The following PI4KB variants were observed in gnomAD, a reference collection of about 807,000 sequenced individuals.
PI4KB encodes the protein phosphatidylinositol 4-kinase beta.
PI4KB carries 23 observed loss-of-function variants against 81.4 expected under a neutral mutation model. The ratio of observed to expected loss-of-function variants is 0.28; its 90% CI spans 0.20 to 0.40. The LOEUF (loss-of-function observed/expected upper bound fraction) is 0.40, where lower values mean the gene tolerates loss of function less well. Ranked by LOEUF, PI4KB falls within the 10% of genes least tolerant of loss-of-function variation. PI4KB has a pLI of 1.00. For missense variants in PI4KB, 651 were observed against 1,036.6 expected, an observed-to-expected ratio of 0.63 and a Z score of 5.11; for synonymous variants, 381 against 406.8, an observed-to-expected ratio of 0.94 and a Z score of 0.76.
chr1:151,293,175 T>C, intron 11 of PI4KB, 142 bp from the exon 12 acceptor site: 2 of 1,480,628 alleles, frequency 1.4e-6, no homozygotes. Flanking sequence ...CAGTTCTGCT[T>C]GGGCAGAGAG....
intron 9 of PI4KB, among the ~76,000 whole-genome samples, chr1:151,296,215 C>A (rs959058016): frequency 6.6e-6 from 1 of 152,174 alleles, no homozygotes; most frequent in Non-Finnish European, 1.5e-5. Context: ...CCACTGCACT[C>A]CAGCCTGGAC....
At chr1:151,326,981 T>A (rs1649704922) in intron 1 of PI4KB, among the ~76,000 whole-genome samples, 1 of 151,806 alleles carries the variant, frequency 6.6e-6, no homozygotes, top group South Asian at 2.1e-4. Flanking sequence ...TGGAAAGGGT[T>A]CATGACTTAA....
intron 9 of PI4KB, among the ~76,000 whole-genome samples, chr1:151,295,014 G>C (rs1407957403): frequency 1.3e-5 from 2 of 152,182 alleles, no homozygotes; most frequent in African/African-American, 4.8e-5. Context: ...TCACTGGAAG[G>C]GAACAACAAC....
chr1:151,293,930 T>C (rs758013250), intron 11 of PI4KB, 88 bp downstream of exon 11: 7 of 1,474,494 alleles, frequency 4.7e-6, no homozygotes, highest in African/African-American at 2.8e-5. Context: ...CAACCGAGTC[T>C]CGTGGGATCA....
intron 1 of PI4KB, among the ~76,000 whole-genome samples, chr1:151,321,559 T>C (rs1557815549): frequency 6.6e-6 from 1 of 151,580 alleles, no homozygotes; most frequent in Non-Finnish European, 1.5e-5. Flanking sequence ...TTGCTTCATT[T>C]AGTTTTGAAT....
At chr1:151,313,053 CGGAA>C (rs113590962) in intron 2 of PI4KB, among the ~76,000 whole-genome samples, 6,020 of 150,150 alleles carry the variant, frequency 0.04, 290 homozygotes, top group African/African-American at 0.12. Context: ...GACGGGTGGG[CGGAA>C]GGAAGGAAGG....
At chr1:151,312,529 T>C (rs1052085965) in intron 2 of PI4KB, among the ~76,000 whole-genome samples, 14 of 152,236 alleles carry the variant, frequency 9.2e-5, no homozygotes, top group African/African-American at 3.4e-4. Context: ...TTACTTCACA[T>C]GTTCCTAGAG....
chr1:151,320,145 T>C (rs893690178), intron 1 of PI4KB, among the ~76,000 whole-genome samples: 1 of 152,220 alleles, frequency 6.6e-6, no homozygotes, highest in African/African-American at 2.4e-5. Context: ...GCCATTCTCC[T>C]GCCTCAGGCT....
intron 2 of PI4KB, among the ~76,000 whole-genome samples, chr1:151,314,703 A>G (rs1647642536): frequency 1.3e-5 from 2 of 152,232 alleles, no homozygotes; most frequent in Non-Finnish European, 2.9e-5. Flanking sequence ...CCTCAGTGAT[A>G]AGAAATAAAC....
chr1:151,303,398 T>C (rs1695472378), intron 6 of PI4KB, 143 bp downstream of exon 6: 1 of 689,420 alleles, frequency 1.5e-6, no homozygotes, highest in Admixed American at 2.1e-5. Context: ...GCCTCAAGTT[T>C]GGTGGCCCCA....
chr1:151,312,244 C>T (rs1182663847), intron 2 of PI4KB, among the ~76,000 whole-genome samples: 2 of 152,160 alleles, frequency 1.3e-5, no homozygotes, highest in African/African-American at 4.8e-5. Flanking sequence ...ACATGCTGCC[C>T]CTGAGCCTCT....
At chr1:151,308,548 CTCCTCTTTGGG>C (rs973595174) in intron 3 of PI4KB, among the ~76,000 whole-genome samples, 1 of 152,196 alleles carries the variant, frequency 6.6e-6, no homozygotes, top group African/African-American at 2.4e-5. Flanking sequence ...CTTTTAGTGA[CTCCTCTTTGGG>C]TCCTCTTCCC....
chr1:151,308,315 G>A (rs750210275), intron 3 of PI4KB, among the ~76,000 whole-genome samples: 5 of 152,242 alleles, frequency 3.3e-5, no homozygotes, highest in African/African-American at 4.8e-5. Flanking sequence ...GAGGGAAGAT[G>A]CTCGTCATTC....
chr1:151,293,377 C>T lies in PI4KB; in HGVS notation c.2270-344G>A, dbSNP rs1217452746. 12 of 1,319,382 alleles carry T rather than the reference C, an allele frequency of 9.1e-6. No individual in the cohort carries two copies. The Admixed American group carries it at 1.2e-4, about 13-fold the overall frequency. The allele number at this position is 1,319,382 out of a possible 1,614,324, so 81.7% of individuals were successfully genotyped here. A position where few individuals can be genotyped will look rare whatever the true frequency, so the allele number is the denominator to read the frequency against. On this transcript the variant is annotated intron_variant, in intron 11 of 11. Transcript: ENST00000368873. ...GCACTTATCTGGTTGCAGACCTCTG[C>T]CTATGCTACGTCTGACACTCACAGA...
intron 3 of PI4KB, among the ~76,000 whole-genome samples, chr1:151,308,720 G>A (rs1226272512): frequency 6.6e-6 from 1 of 152,158 alleles, no homozygotes; most frequent in Admixed American, 6.6e-5. Flanking sequence ...TAGACACGAA[G>A]AAAGGCTCTC....
Position 151,294,442 on chromosome 1 carries a change from C to A in PI4KB, c.2115G>T (p.Thr705=). ...SSSPRNLGFE[T]SAFKLTTEFV... is the part of the protein sequence containing the mutation. Reference sequence around the variant, plus strand: ...ACTCTGTGGTCAGCTTAAAGGCTGACGTCTCAAAGCCCAGATTTCGGGGTG... The same window carrying A: ...ACTCTGTGGTCAGCTTAAAGGCTGAAGTCTCAAAGCCCAGATTTCGGGGTG... The change falls in exon 10 of 12, where the codon ACG becomes ACT. Residue 705 remains threonine, a synonymous_variant. Transcript: ENST00000368873. 1 of 1,613,950 alleles carries A rather than the reference C, an allele frequency of 6.2e-7. No individual in the cohort carries two copies. The highest frequency in any genetic ancestry group is 8.5e-7 in the Non-Finnish European group (1 of 1,180,006).
At chr1:151,325,435 G>A (rs1649474076) in intron 1 of PI4KB, among the ~76,000 whole-genome samples, 2 of 152,134 alleles carry the variant, frequency 1.3e-5, no homozygotes, top group South Asian at 2.1e-4. Context: ...GTGCCCTTTC[G>A]CTATCACAGG....
Position 151,327,361 on chromosome 1 carries a change from A to G in PI4KB, c.-119T>C. 2.5e-6 allele frequency: 1 copy of G among 397,156 alleles called. No homozygotes were observed. The highest frequency in any genetic ancestry group is 4.4e-6 in the Non-Finnish European group (1 of 225,652). The allele number at this position is 397,156 out of a possible 1,614,324, so 24.6% of individuals were successfully genotyped here. A position where few individuals can be genotyped will look rare whatever the true frequency, so the allele number is the denominator to read the frequency against. On this transcript the variant is annotated 5_prime_UTR_variant, in exon 1 of 12. It removes an upstream start codon present in the reference 5' UTR. Transcript: ENST00000368873. ...GCAGCAGCGACCGCTCCCGGGTTCC[A>G]TTGGCCGCCTGCGCTTCCCTGACAG...
chr1:151,298,312 C>G (rs1474035325), intron 9 of PI4KB: 1 of 155,838 alleles, frequency 6.4e-6, no homozygotes, highest in Non-Finnish European at 1.4e-5. Flanking sequence ...TCCACCTTCA[C>G]CCACAGTGCC....
Sources: gnomAD v4.1 joint callset for allele counts (sites outside exome capture counted in the v4.1 genomes callset) on GRCh38, gnomAD v4.1.1 for gene constraint, MANE v1.5 for transcripts, NCBI Gene and HGNC (gene_info 2026-07-23, HGNC 2026-07-21) for gene names.